The following LRIF1 variants were observed in gnomAD, a reference collection of about 807,000 sequenced individuals.
LRIF1 encodes ligand dependent nuclear receptor interacting factor 1, also known as ligand-dependent nuclear receptor-interacting factor 1.
A neutral mutation model predicts 52.7 loss-of-function variants in LRIF1; 32 were observed. The observed-to-expected ratio is 0.61, with a 90% CI of 0.46 to 0.82. The LOEUF is 0.82. Ranked by LOEUF, LRIF1 falls within the 40% of genes least tolerant of loss-of-function variation. LRIF1 has a pLI of 0.00. For synonymous variants in LRIF1, 323 were observed against 317.4 expected (o/e 1.02, Z -0.19); for missense variants, 887 against 892.0 (o/e 0.99, Z 0.07).
the LRIF1 span, among the ~76,000 whole-genome samples, chr1:110,889,529 G>C: frequency 6.6e-6 from 1 of 151,956 alleles, no homozygotes; most frequent in African/African-American, 2.4e-5. Flanking sequence ...CTGCATGCCA[G>C]CCTCGGCGAA....
At chr1:110,912,761 C>G in the LRIF1 span, among the ~76,000 whole-genome samples, 1 of 152,274 alleles carries the variant, frequency 6.6e-6, no homozygotes, top group Admixed American at 6.5e-5. Flanking sequence ...CTGCCCAAAG[C>G]AATTTGTAGA....
rs775436981 is a variant in LRIF1, at chr1:110,951,817, G to A, written c.1067C>T (p.Ala356Val). The A allele has an allele frequency of 6.2e-7, 1 of 1,612,548 alleles. No homozygotes were observed. Among genetic ancestry groups the A allele is most frequent in the Non-Finnish European group, 8.5e-7 (1 of 1,180,016 alleles). Residue 356 changes from alanine to valine, a missense_variant, in exon 2 of 4, where the codon GCT (alanine) becomes GTT (valine). Physicochemically the swap from Ala to Val is moderately conservative, Grantham distance 64. Transcript: ENST00000369763. ...RSKNMPIKDN[A>V]LVMFNGKVYL... is the part of the protein sequence containing the mutation. Reference sequence around the variant, plus strand: ...GACTTTCCCATTAAACATAACCAAAGCATTATCTTTAATAGGCATATTTTT... The same window carrying A: ...GACTTTCCCATTAAACATAACCAAAACATTATCTTTAATAGGCATATTTTT...
the LRIF1 span, among the ~76,000 whole-genome samples, chr1:110,921,775 G>A: frequency 6.6e-6 from 1 of 152,112 alleles, no homozygotes; most frequent in Admixed American, 6.5e-5. Context: ...AAGTTCATGT[G>A]TTAGAAACTT....
chr1:110,898,774 CTGTT>C, the LRIF1 span, among the ~76,000 whole-genome samples: 14 of 152,220 alleles, frequency 9.2e-5, no homozygotes, highest in African/African-American at 3.1e-4. Context: ...TGATTTTTCT[CTGTT>C]TGGAAACAAA....
chr1:110,921,218 G>A, the LRIF1 span, among the ~76,000 whole-genome samples: 2 of 151,916 alleles, frequency 1.3e-5, no homozygotes, highest in Non-Finnish European at 2.9e-5. Flanking sequence ...ATTAAGTTAC[G>A]AATTTGGTAG....
the LRIF1 span, chr1:110,898,015 A>G: frequency 1.9e-6 from 1 of 522,770 alleles, no homozygotes; most frequent in Non-Finnish European, 3.4e-6. Context: ...TAATATATGA[A>G]TTCCCCCAGC....
At position 110,947,705 on chromosome 1, in the gene LRIF1, A is replaced by G. The variant is rs537642666; in HGVS notation, c.*254T>C. On this transcript the variant is annotated 3_prime_UTR_variant, in exon 4 of 4. Coordinates refer to ENST00000369763, the MANE Select transcript of LRIF1 (RefSeq NM_018372.4). The stretch of plus-strand genomic sequence containing the variant: ...TATTCAAACTTGGAGAATTCTAGTT[A>G]AAATAATAGAAAAATATAAAATTTA... 1 of 299,846 alleles carries G rather than the reference A, an allele frequency of 3.3e-6. No homozygotes were observed. Among genetic ancestry groups the G allele is most frequent in the East Asian group, 6.3e-5 (1 of 15,762 alleles). The allele number at this position is 299,846 out of a possible 1,614,324, so 18.6% of individuals were successfully genotyped here. A position where few individuals can be genotyped will look rare whatever the true frequency, so the allele number is the denominator to read the frequency against.
intron 1 of LRIF1, among the ~76,000 whole-genome samples, chr1:110,955,631 G>C (rs1267474869): frequency 1.3e-5 from 2 of 152,180 alleles, no homozygotes; most frequent in African/African-American, 4.8e-5. Context: ...GTGCTGTGAA[G>C]ATCACTGATG....
chr1:110,953,934 T>G (rs2101113337), intron 1 of LRIF1, among the ~76,000 whole-genome samples: 1 of 152,306 alleles, frequency 6.6e-6, no homozygotes, highest in Admixed American at 6.5e-5. Flanking sequence ...TATCATAGAT[T>G]GTCATCATAT....
the LRIF1 span, among the ~76,000 whole-genome samples, chr1:110,885,325 C>A: frequency 1.6e-4 from 24 of 151,974 alleles, no homozygotes; most frequent in Admixed American, 3.9e-4. Flanking sequence ...CCGAGGCGGG[C>A]GGATCACAAG....
rs1338421526 is a variant in LRIF1 at position 110,947,404 on chromosome 1, C to A, written c.*555G>T. ...ACATTGTAAAGTTACAAATGTTGCTCATTCTTGAGAAATGTTTGAATGTTT... is the reference window on the plus strand; with the variant it reads ...ACATTGTAAAGTTACAAATGTTGCTAATTCTTGAGAAATGTTTGAATGTTT... On this transcript the variant is annotated 3_prime_UTR_variant, in exon 4 of 4. Transcript: ENST00000369763. 4 of 151,980 alleles carry A rather than the reference C, an allele frequency of 2.6e-5. No individual in the cohort carries two copies. The highest frequency in any genetic ancestry group is 2.4e-5 in the African/African-American group (1 of 41,374). The allele number at this position is 151,980 out of a possible 1,614,324, so 9.4% of individuals were successfully genotyped here.
At chr1:110,957,536 C>A (rs957118477) in intron 1 of LRIF1, among the ~76,000 whole-genome samples, 40 of 144,696 alleles carry the variant, frequency 2.8e-4, no homozygotes, top group African/African-American at 9.5e-4. Context: ...CAACTATCTT[C>A]TTTGGAATAA....
chr1:110,888,748 A>G, the LRIF1 span, among the ~76,000 whole-genome samples: 3 of 152,218 alleles, frequency 2.0e-5, no homozygotes, highest in African/African-American at 7.2e-5. Context: ...TACTGATATA[A>G]TCCTTTTTGT....
chr1:110,950,684 G>A (rs1658432894), intron 2 of LRIF1, among the ~76,000 whole-genome samples: 1 of 151,546 alleles, frequency 6.6e-6, no homozygotes, highest in Admixed American at 6.6e-5. Context: ...ACTGGCTGAG[G>A]AGTCACAAAG....
At chr1:110,880,558 A>G in the LRIF1 span, among the ~76,000 whole-genome samples, 1 of 152,132 alleles carries the variant, frequency 6.6e-6, no homozygotes, top group Non-Finnish European at 1.5e-5. Context: ...TGACTCTAGG[A>G]GGCATCTGGC....
the LRIF1 span, among the ~76,000 whole-genome samples, chr1:110,913,647 G>A: frequency 6.6e-6 from 1 of 152,204 alleles, no homozygotes; most frequent in Non-Finnish European, 1.5e-5. Flanking sequence ...AACAACAGAT[G>A]TTGGTGAAGT....
Position 110,949,744 on chromosome 1 carries a change from A to C in LRIF1, c.1869+107T>G, listed in dbSNP as rs921775508. On this transcript the variant is annotated intron_variant, in intron 3 of 3. Transcript: ENST00000369763. ...ATTATGTATTTGCAAAACCAGTAAC[A>C]ACCATCATTTATACTAATGCACAAG... 1.1e-5 allele frequency: 14 copies of C among 1,223,086 alleles called. No homozygotes were observed. The Admixed American group carries it at 2.5e-4, about 22-fold the overall frequency. 75.8% of individuals were successfully genotyped at this position (1,223,086 alleles called of 1,614,324 possible).
chr1:110,901,473 C>T, the LRIF1 span, among the ~76,000 whole-genome samples: 29,108 of 135,378 alleles, frequency 0.22, 3,254 homozygotes, highest in Non-Finnish European at 0.25. Flanking sequence ...ACCTCGCACC[C>T]GGCCTTTTTT....
intron 1 of LRIF1, 53 bp from the exon 2 acceptor site, chr1:110,952,868 T>G: frequency 1.1e-6 from 1 of 935,804 alleles, no homozygotes; most frequent in Non-Finnish European, 1.4e-6. Context: ...TATATACATT[T>G]TATTTAAAAA....
Sources: allele counts gnomAD v4.1 joint callset (sites outside exome capture counted in the v4.1 genomes callset), GRCh38; gene constraint gnomAD v4.1.1; transcripts MANE v1.5; gene names NCBI Gene and HGNC (gene_info 2026-07-23, HGNC 2026-07-21).